COL15A1: variants seen among roughly 807,000 people sequenced by gnomAD.
COL15A1 encodes the protein collagen alpha-1(XV) chain.
COL15A1 carries 111 observed loss-of-function variants against 165.9 expected under a neutral mutation model. That is an observed-to-expected ratio of 0.67 (90% confidence interval 0.57 to 0.78). The LOEUF (loss-of-function observed/expected upper bound fraction) is 0.78, where lower values mean the gene tolerates loss of function less well. COL15A1 is among the 30% of genes least tolerant of loss of function. COL15A1 has a pLI of 0.00. For synonymous variants in COL15A1, 659 were observed against 674.8 expected, an observed-to-expected ratio of 0.98 and a Z score of 0.36; for missense variants, 1,745 against 1,789.7, an observed-to-expected ratio of 0.98 and a Z score of 0.45.
At chr9:99,067,917 G>T (rs4742756) in intron 40 of COL15A1, among the ~76,000 whole-genome samples, 1 of 151,982 alleles carries the variant, frequency 6.6e-6, no homozygotes, top group African/African-American at 2.4e-5. Flanking sequence ...CAAATTTGAA[G>T]CTTAGTATGT....
intron 11 of COL15A1, among the ~76,000 whole-genome samples, chr9:99,018,953 T>C (rs1281728556): frequency 1.3e-5 from 2 of 152,088 alleles, no homozygotes; most frequent in African/African-American, 4.8e-5. Context: ...TATGATAGAT[T>C]TTTTAAAGCT....
At chr9:98,981,439 A>G (rs993909959) in intron 2 of COL15A1, among the ~76,000 whole-genome samples, 7 of 152,184 alleles carry the variant, frequency 4.6e-5, no homozygotes, top group African/African-American at 1.7e-4. Context: ...CCTGGTCAAC[A>G]AGAGCGAGAC....
rs1825827952 is a variant in COL15A1 at position 99,062,267 on chromosome 9, C to T, written c.3554C>T (p.Pro1185Leu). Residue 1185 changes from proline (P) to leucine (L), a missense_variant, in exon 38 of 42, where the codon CCT becomes CTT. Transcript: ENST00000375001. ...KLQLGELIPI[P>L]ADSPPPPALS... Reference sequence around the variant, plus strand: ...AAGCTGGGAGAACTGATCCCCATTCCTGCCGACAGCCCTCCACCCCCTGCG... The same window carrying T: ...AAGCTGGGAGAACTGATCCCCATTCTTGCCGACAGCCCTCCACCCCCTGCG... The T allele has an allele frequency of 1.2e-6, 2 of 1,613,786 alleles. No individual in the cohort carries two copies.
At chr9:99,029,621 C>T (rs1480610990) in intron 16 of COL15A1, among the ~76,000 whole-genome samples, 1 of 152,104 alleles carries the variant, frequency 6.6e-6, no homozygotes, top group East Asian at 1.9e-4. Context: ...GGATTATAGG[C>T]CTCCATAAAA....
chr9:99,023,519 G>T, intron 14 of COL15A1, 70 bp downstream of exon 14: 1 of 761,502 alleles, frequency 1.3e-6, no homozygotes. Flanking sequence ...GGAGGGACGT[G>T]GGGGCCAGGG....
chr9:99,021,261 G>A (rs1277705742), intron 12 of COL15A1, among the ~76,000 whole-genome samples: 1 of 152,206 alleles, frequency 6.6e-6, no homozygotes, highest in Non-Finnish European at 1.5e-5. Context: ...GGCCTCCTGA[G>A]TGCCCACCGG....
At chr9:99,037,976 C>T (rs1839332118) in intron 21 of COL15A1, among the ~76,000 whole-genome samples, 1 of 151,980 alleles carries the variant, frequency 6.6e-6, no homozygotes, top group Admixed American at 6.6e-5. Context: ...TGGGCTGGGA[C>T]CAGATCGCAT....
At chr9:99,055,829 C>G (rs1825713158) in intron 34 of COL15A1, among the ~76,000 whole-genome samples, 2 of 152,150 alleles carry the variant, frequency 1.3e-5, no homozygotes, top group South Asian at 4.1e-4. Flanking sequence ...AGCTGTGCCC[C>G]CAACAAGAAT....
intron 9 of COL15A1, among the ~76,000 whole-genome samples, chr9:99,010,816 G>A (rs775411271): frequency 1.1e-4 from 17 of 152,146 alleles, no homozygotes; most frequent in Non-Finnish European, 1.6e-4. Context: ...CTAAGCAAAC[G>A]AAAACTTAGT....
chr9:99,014,095 A>T (rs1406089037), intron 9 of COL15A1, among the ~76,000 whole-genome samples: 1 of 152,158 alleles, frequency 6.6e-6, no homozygotes, highest in Non-Finnish European at 1.5e-5. Flanking sequence ...GTCAAATCTG[A>T]TGGGAGAAAG....
Position 99,044,718 on chromosome 9 carries a change from A to G in COL15A1, c.2644-17A>G. 1 of 1,613,710 alleles carries G rather than the reference A, an allele frequency of 6.2e-7. No homozygotes were observed. On this transcript the variant is annotated splice_polypyrimidine_tract_variant and intron_variant, in intron 25 of 41. Transcript: ENST00000375001. ...TTCTGTCCCAAACAGTGACAAGTAT[A>G]TATCTTCCTGTTTTAGGGTGAACCT...
chr9:98,989,286 A>T, intron 5 of COL15A1, 28 bp downstream of exon 5: 1 of 1,574,718 alleles, frequency 6.4e-7, no homozygotes, highest in Non-Finnish European at 8.7e-7. Context: ...GTGCCATGTG[A>T]TCTTGCTCAG....
intron 24 of COL15A1, among the ~76,000 whole-genome samples, chr9:99,044,337 G>A (rs892737441): frequency 4.6e-5 from 7 of 152,054 alleles, no homozygotes; most frequent in African/African-American, 1.7e-4. Context: ...GTGCATAGAG[G>A]GAATGGCTGA....
intron 2 of COL15A1, among the ~76,000 whole-genome samples, chr9:98,949,447 G>A (rs949308679): frequency 6.6e-6 from 1 of 152,190 alleles, no homozygotes; most frequent in Non-Finnish European, 1.5e-5. Context: ...CAACTGAGTA[G>A]ACAATGCCAG....
intron 28 of COL15A1, among the ~76,000 whole-genome samples, chr9:99,048,480 T>C (rs1839531003): frequency 6.6e-6 from 1 of 152,168 alleles, no homozygotes; most frequent in South Asian, 2.1e-4. Context: ...AGCCAATGTT[T>C]ATTCAGCAGC....
At chr9:99,042,014 C>A (rs749325941) in intron 23 of COL15A1, 31 bp from the exon 24 acceptor site, 122 of 1,451,200 alleles carry the variant, frequency 8.4e-5, no homozygotes, top group Non-Finnish European at 1.1e-4. Context: ...TCTTAACGAA[C>A]AACCAAATAC....
At chr9:99,052,353 T>C in intron 30 of COL15A1, 35 bp from the exon 31 acceptor site, 5 of 1,555,440 alleles carry the variant, frequency 3.2e-6, no homozygotes, top group Non-Finnish European at 4.4e-6. Context: ...ACGGCAGAGC[T>C]TGCAGTGCCT....
intron 2 of COL15A1, among the ~76,000 whole-genome samples, chr9:98,955,416 C>T (rs1374079204): frequency 6.6e-6 from 1 of 152,190 alleles, no homozygotes; most frequent in Admixed American, 6.5e-5. Flanking sequence ...TCCATGTTTC[C>T]CCAGCATCTG....
intron 2 of COL15A1, among the ~76,000 whole-genome samples, chr9:98,955,626 A>T (rs1443165755): frequency 6.6e-6 from 1 of 152,258 alleles, no homozygotes; most frequent in East Asian, 1.9e-4. Context: ...GCAGGGTGAG[A>T]GTAGGCACTG....
Sources: gnomAD v4.1 joint callset for allele counts (sites outside exome capture counted in the v4.1 genomes callset) on GRCh38, gnomAD v4.1.1 for gene constraint, MANE v1.5 for transcripts, NCBI Gene and HGNC (gene_info 2026-07-23, HGNC 2026-07-21) for gene names.